Variants in CDH8 observed in about 807,000 individuals in gnomAD.
The protein encoded by CDH8 is cadherin-8.
In CDH8, 17 loss-of-function variants were observed where a neutral mutation model predicts 68.1. The observed-to-expected ratio is 0.25, with a 90% CI of 0.17 to 0.37. CDH8 has a LOEUF of 0.37. CDH8 is among the 10% of genes least tolerant of loss of function. The probability of loss-of-function intolerance (pLI) is 1.00; values close to 1 mark genes in which losing one functional copy is unlikely to be tolerated. For missense variants in CDH8, 763 were observed against 999.3 expected (o/e 0.76, Z 3.19); for synonymous variants, 372 against 365.1 (o/e 1.02, Z -0.21).
At chr16:61,833,989 A>C (rs1296633063) in intron 4 of CDH8, among the ~76,000 whole-genome samples, 1 of 151,928 alleles carries the variant, frequency 6.6e-6, no homozygotes, top group African/African-American at 2.4e-5. Flanking sequence ...AAGCCATGTC[A>C]TAATTATCGC....
chr16:61,765,690 T>C (rs777910832), intron 8 of CDH8, among the ~76,000 whole-genome samples: 1 of 152,072 alleles, frequency 6.6e-6, no homozygotes. Context: ...GAAAATTTCA[T>C]CTACCTCAAC....
intron 10 of CDH8, among the ~76,000 whole-genome samples, chr16:61,676,763 T>C (rs566052062): frequency 6.6e-6 from 1 of 152,216 alleles, no homozygotes; most frequent in South Asian, 2.1e-4. Flanking sequence ...AAATTGCCTG[T>C]ATTCATTGAC....
rs139838054 is a variant in CDH8 at position 61,709,705 on chromosome 16, C to T, written c.1654+4136G>A. On this transcript the variant is annotated intron_variant, in intron 10 of 11. Transcript: ENST00000577390. ...CCATTGTGTGGAGAAACCTGAGTTT[C>T]GTTTTGGCAATGGAGCTATAGAAAG... Among the ~76,000 whole-genome samples the T allele has an allele frequency of 3.3e-3, 503 of 151,272 alleles. 2 individuals carry two copies. The highest frequency in any genetic ancestry group is 0.011 in the African/African-American group (464 of 41,274).
chr16:62,006,627 T>C (rs1350459719), intron 2 of CDH8, among the ~76,000 whole-genome samples: 2 of 152,184 alleles, frequency 1.3e-5, no homozygotes, highest in African/African-American at 4.8e-5. Context: ...CCTTGTTCTT[T>C]ACTGAGCTAT....
Position 62,021,157 on chromosome 16 carries a change from C to T in CDH8, c.247G>A (p.Gly83Ser). 1 of 1,613,784 alleles carries T rather than the reference C, an allele frequency of 6.2e-7. No homozygotes were observed. Among genetic ancestry groups the T allele is most frequent in the Non-Finnish European group, 8.5e-7 (1 of 1,179,818 alleles). ...EFSGPEPILV[G>S]RLHTDLDPGS... ...ATCTTAAAAACAAAGCTTACCCGGC[C>T]AACAAGAATCGGTTCAGGTCCAGAA... is the stretch of plus-strand genomic sequence containing the variant. Residue 83 changes from glycine (G) to serine (S), a missense_variant, in exon 2 of 12, where the codon GGC becomes AGC. This residue lies in a region of CDH8 where 366 missense variants were observed against 563.1 expected (regional missense o/e 0.65). Coordinates refer to ENST00000577390, the MANE Select transcript of CDH8 (RefSeq NM_001796.5).
intron 3 of CDH8, among the ~76,000 whole-genome samples, chr16:61,868,704 T>A (rs1963301672): frequency 6.6e-6 from 1 of 152,148 alleles, no homozygotes; most frequent in Non-Finnish European, 1.5e-5. Flanking sequence ...ACTCAAAAAC[T>A]GTCAGATTTT....
At chr16:61,820,513 C>T (rs879936269) in intron 6 of CDH8, among the ~76,000 whole-genome samples, 3 of 151,670 alleles carry the variant, frequency 2.0e-5, no homozygotes, top group Non-Finnish European at 1.5e-5. Flanking sequence ...ACTGAGAATC[C>T]TTTTACAATC....
At chr16:61,723,202 G>A (rs746564989) in intron 9 of CDH8, among the ~76,000 whole-genome samples, 2 of 150,752 alleles carry the variant, frequency 1.3e-5, no homozygotes, top group Non-Finnish European at 3.0e-5. Flanking sequence ...CTACTAAGGA[G>A]GTAAGAGTTA....
rs1434725585 is a variant in CDH8 at position 61,666,204 on chromosome 16, G to GTA, written c.1655-10484_1655-10483insTA. ...TGTGTGTGTGTGTGTGTGTGTGTGTGTGTATATATATATATATGTATATGG... is the reference window on the plus strand; with the variant it reads ...TGTGTGTGTGTGTGTGTGTGTGTGTGTATGTATATATATATATATGTATATGG... On this transcript the variant is annotated intron_variant, in intron 10 of 11. Coordinates refer to ENST00000577390, the MANE Select transcript of CDH8 (RefSeq NM_001796.5). Among the ~76,000 whole-genome samples the GTA allele has an allele frequency of 6.3e-3, 906 of 142,722 alleles. 4 individuals carry two copies. The highest frequency in any genetic ancestry group is 9.1e-3 in the Non-Finnish European group (592 of 64,968). The allele number at this position is 142,722 out of a possible 152,430, so 93.6% of individuals were successfully genotyped here.
intron 2 of CDH8, among the ~76,000 whole-genome samples, chr16:62,006,404 A>T (rs1965976162): frequency 6.6e-6 from 1 of 152,130 alleles, no homozygotes; most frequent in African/African-American, 2.4e-5. Flanking sequence ...TTCCAATCCC[A>T]ATTCCCCACC....
At chr16:61,689,244 G>C (rs933954235) in intron 10 of CDH8, among the ~76,000 whole-genome samples, 11 of 151,982 alleles carry the variant, frequency 7.2e-5, no homozygotes, top group Non-Finnish European at 1.6e-4. Flanking sequence ...AATGATTCCA[G>C]TTTGAATTTA....
rs1963321828 is a variant in CDH8, at chr16:61,651,456, A to T, written c.*2152T>A. ...GTTATAAATTGTTAGTATAGTATTTAAACATGCAGTTTCTGTCACAGTGAA... is the reference window on the plus strand; with the variant it reads ...GTTATAAATTGTTAGTATAGTATTTTAACATGCAGTTTCTGTCACAGTGAA... On this transcript the variant is annotated 3_prime_UTR_variant, in exon 12 of 12. Coordinates refer to ENST00000577390, the MANE Select transcript of CDH8 (RefSeq NM_001796.5). 1 of 152,212 alleles carries T rather than the reference A, an allele frequency of 6.6e-6. No homozygotes were observed. Among genetic ancestry groups the T allele is most frequent in the Non-Finnish European group, 1.5e-5 (1 of 68,040 alleles). The allele number at this position is 152,212 out of a possible 1,614,324, so 9.4% of individuals were successfully genotyped here.
intron 8 of CDH8, among the ~76,000 whole-genome samples, chr16:61,768,314 TTCTCTC>T (rs1206629963): frequency 0.036 from 608 of 17,126 alleles, 17 homozygotes; most frequent in East Asian, 0.1. Context: ...GTCTCTCCCT[TTCTCTC>T]TCTCTCTCTC....
rs191117440 is a variant in CDH8 at position 61,763,433 on chromosome 16, G to A, written c.1414+25913C>T. 3.4e-4 allele frequency among the ~76,000 whole-genome samples: 51 copies of A among 152,176 alleles called. 1 individual carries two copies. In the South Asian group the frequency reaches 5.2e-3, roughly 15 times the overall value. ...AGTCTGCATGTTCTCTTCCTCCTTC[G>A]CAAAGCATCCCATTGATCCTCTCAT... On this transcript the variant is annotated intron_variant, in intron 8 of 11. Transcript: ENST00000577390.
chr16:61,687,380 C>T lies in CDH8; in HGVS notation c.1654+26461G>A, dbSNP rs13336803. Among the ~76,000 whole-genome samples the T allele has an allele frequency of 5.9e-3, 891 of 151,986 alleles. 10 individuals are homozygous for T. Among genetic ancestry groups the T allele is most frequent in the African/African-American group, 0.02 (836 of 41,488 alleles). On this transcript the variant is annotated intron_variant, in intron 10 of 11. Coordinates refer to ENST00000577390, the MANE Select transcript of CDH8 (RefSeq NM_001796.5). ...GATGAGGACATAATAATCACATACC[C>T]GTTTTGTAGACCAGGACACTGAGGC...
intron 8 of CDH8, among the ~76,000 whole-genome samples, chr16:61,780,387 G>A (rs1207921639): frequency 6.6e-6 from 1 of 152,204 alleles, no homozygotes; most frequent in Non-Finnish European, 1.5e-5. Context: ...AATAAACACA[G>A]TGAAGCATCT....
chr16:61,769,519 C>T (rs769981464), intron 8 of CDH8, among the ~76,000 whole-genome samples: 8 of 151,152 alleles, frequency 5.3e-5, no homozygotes, highest in South Asian at 2.1e-4. Context: ...GAAACACAGA[C>T]ACTAAAGATT....
intron 9 of CDH8, among the ~76,000 whole-genome samples, chr16:61,717,946 A>G (rs1442183229): frequency 2.0e-5 from 3 of 151,452 alleles, no homozygotes; most frequent in African/African-American, 4.8e-5. Flanking sequence ...ATACATTCAA[A>G]TTATATGAAG....
intron 5 of CDH8, 138 bp downstream of exon 5, chr16:61,824,873 CA>C: frequency 1.4e-6 from 1 of 694,456 alleles, no homozygotes. Flanking sequence ...AGTTTAGTAC[CA>C]AAATCATGCC....
Sources: gnomAD v4.1 joint callset for allele counts (sites outside exome capture counted in the v4.1 genomes callset) on GRCh38, gnomAD v4.1.1 for gene constraint, gnomAD v4.1.1 regional missense constraint, MANE v1.5 for transcripts, NCBI Gene and HGNC (gene_info 2026-07-23, HGNC 2026-07-21) for gene names.